JOSD2: variants seen among roughly 807,000 people sequenced by gnomAD.
The protein encoded by JOSD2 is Josephin domain containing 2, also known as josephin-2.
Under a neutral mutation model 19.3 loss-of-function variants are expected in JOSD2, and 20 were observed. The ratio of observed to expected loss-of-function variants is 1.04; its 90% CI spans 0.73 to 1.51. The LOEUF (loss-of-function observed/expected upper bound fraction) is 1.51, where lower values mean the gene tolerates loss of function less well. Ranked by LOEUF, JOSD2 falls within the 40% of genes most tolerant of loss-of-function variation. The probability of loss-of-function intolerance (pLI) is 0.00; values close to 1 mark genes in which losing one functional copy is unlikely to be tolerated. For missense variants in JOSD2, 215 were observed against 250.4 expected, an observed-to-expected ratio of 0.86 and a Z score of 0.95; for synonymous variants, 118 against 123.7, an observed-to-expected ratio of 0.95 and a Z score of 0.31.
Position 50,506,415 on chromosome 19 carries a change from G to C in JOSD2, c.430C>G (p.Arg144Gly). The change falls in exon 4 of 5, where the codon CGG (arginine) becomes GGG (glycine). Residue 144 changes from arginine to glycine, a missense_variant. Coordinates refer to ENST00000598418, the MANE Select transcript of JOSD2 (RefSeq NM_001270639.2). ...TCATCCCCCAGGGCCTCGGGCGCCC[G>C]CAGCTTGGAGTCCAGGTTGTAGTAG... ...GVYYNLDSKLRAPEALGDEDG... is the reference protein window; with the variant it reads ...GVYYNLDSKLGAPEALGDEDG... The C allele has an allele frequency of 6.2e-7, 1 of 1,605,184 alleles. No individual in the cohort carries two copies. Among genetic ancestry groups the C allele is most frequent in the Non-Finnish European group, 8.5e-7 (1 of 1,176,512 alleles).
At chr19:50,510,078 C>T in intron 2 of JOSD2, 1 of 319,544 alleles carries the variant, frequency 3.1e-6, no homozygotes, top group South Asian at 4.6e-5. Context: ...GAAAGAACCA[C>T]TGGATTGAGG....
Position 50,510,485 on chromosome 19 carries a change from C to T in JOSD2, c.-17-37G>A, listed in dbSNP as rs540386534. The T allele has an allele frequency of 8.1e-5, 126 of 1,546,920 alleles. No homozygotes were observed. The Middle Eastern group carries it at 1.1e-3, about 13-fold the overall frequency. On this transcript the variant is annotated intron_variant, in intron 1 of 4. Transcript: ENST00000598418. ...GAGGGGGAGAAGGTCCTCAGGGGCC[C>T]GGGATCTAGAGGTCCAGCCTCCCAG... is the stretch of plus-strand genomic sequence containing the variant.
Position 50,511,154 on chromosome 19 carries a change from C to G in JOSD2, c.-55G>C, listed in dbSNP as rs1979828261. On this transcript the variant is annotated 5_prime_UTR_variant, in exon 1 of 5. Coordinates refer to ENST00000598418, the MANE Select transcript of JOSD2 (RefSeq NM_001270639.2). ...TCCGCTCCACCGAGCCAGGGGTTTC[C>G]GCATCCCCTTCCTGGGCGGCGGCTC... 2.2e-6 allele frequency: 1 copy of G among 449,230 alleles called. No individual in the cohort carries two copies. Among genetic ancestry groups the G allele is most frequent in the Admixed American group, 2.4e-5 (1 of 42,256 alleles). The allele number at this position is 449,230 out of a possible 1,614,324, so 27.8% of individuals were successfully genotyped here. A position where few individuals can be genotyped will look rare whatever the true frequency, so the allele number is the denominator to read the frequency against.
rs117711212 is a variant in JOSD2, at chr19:50,506,164, C to T, written c.*9G>A. 0.016 allele frequency: 26,233 copies of T among 1,611,398 alleles called. 265 individuals are homozygous for T. The highest frequency in any genetic ancestry group is 0.019 in the Non-Finnish European group (21,940 of 1,179,140). ...GGACTGCGCTGTGGGCGCCGATGGT[C>T]AGCCATGGTCAGTCTGTCCGCAGCC... On this transcript the variant is annotated 3_prime_UTR_variant, in exon 5 of 5. Transcript: ENST00000598418.
chr19:50,507,200 C>A (rs1979422442), intron 3 of JOSD2, among the ~76,000 whole-genome samples: 1 of 149,424 alleles, frequency 6.7e-6, no homozygotes, highest in South Asian at 2.2e-4. Context: ...CTTGACCCCC[C>A]TGCCATTGGT....
intron 2 of JOSD2, among the ~76,000 whole-genome samples, chr19:50,508,215 C>T (rs1458486103): frequency 6.6e-6 from 1 of 152,210 alleles, no homozygotes; most frequent in Non-Finnish European, 1.5e-5. Flanking sequence ...CTTCCTCTGT[C>T]CTTCAAGGCC....
chr19:50,507,204 C>CGTGG (rs1979423332), intron 3 of JOSD2, among the ~76,000 whole-genome samples: 1 of 148,862 alleles, frequency 6.7e-6, no homozygotes, highest in Non-Finnish European at 1.5e-5. Flanking sequence ...ACCCCCCTGC[C>CGTGG]ATTGGTCTAC....
At chr19:50,508,535 C>T (rs1483241554) in intron 2 of JOSD2, among the ~76,000 whole-genome samples, 1 of 151,924 alleles carries the variant, frequency 6.6e-6, no homozygotes, top group Non-Finnish European at 1.5e-5. Context: ...CCCCGGTGCC[C>T]ACCGCCTCCC....
At position 50,507,555 on chromosome 19, in the gene JOSD2, G is replaced by C. The variant is rs373735588; in HGVS notation, c.272+19C>G. 1.3e-6 allele frequency: 2 copies of C among 1,597,520 alleles called. No individual in the cohort carries two copies. The highest frequency in any genetic ancestry group is 1.7e-6 in the Non-Finnish European group (2 of 1,177,594). ...CTCTGTGCCCGGCCCAGCACATGCT[G>C]TGCTGCTCTGGGGCCTACCTCCTCC... On this transcript the variant is annotated intron_variant, in intron 3 of 4. Transcript: ENST00000598418.
At position 50,510,314 on chromosome 19, in the gene JOSD2, G is replaced by C; in HGVS notation, c.118C>G (p.Gln40Glu). Reference protein sequence around the residue: ...NNVLQQQLFSQEAADEICKRL... With the variant: ...NNVLQQQLFSEEAADEICKRL... Reference sequence around the variant, plus strand: ...TTGCAGATCTCATCGGCAGCCTCCTGGCTAAAGAGCTGCTGCTGCAGAACG... The same window carrying C: ...TTGCAGATCTCATCGGCAGCCTCCTCGCTAAAGAGCTGCTGCTGCAGAACG... The change falls in exon 2 of 5, where the codon CAG becomes GAG. Residue 40 changes from glutamine to glutamate, a missense_variant. By Grantham distance (29) the Gln-to-Glu change is conservative. Coordinates refer to ENST00000598418, the MANE Select transcript of JOSD2 (RefSeq NM_001270639.2). The C allele has an allele frequency of 6.2e-7, 1 of 1,613,480 alleles. No homozygotes were observed. The highest frequency in any genetic ancestry group is 8.5e-7 in the Non-Finnish European group (1 of 1,180,010).
chr19:50,506,654 C>T (rs1979367753), intron 3 of JOSD2, 82 bp from the exon 4 acceptor site: 3 of 1,333,924 alleles, frequency 2.2e-6, no homozygotes, highest in Non-Finnish European at 3.0e-6. Context: ...GGGGCCCAGG[C>T]TGGTGGTGGT....
In JOSD2 at chr19:50,508,943, G is replaced by A. The variant is rs1455357747; in HGVS notation, c.147-1244C>T. On this transcript the variant is annotated intron_variant, in intron 2 of 4. Coordinates refer to ENST00000598418, the MANE Select transcript of JOSD2 (RefSeq NM_001270639.2). ...TTGGAGCAAGAGGCAGGGGAGGCAG[G>A]GCCATCTCCAGGTGTAGAAAGACTC... Among the ~76,000 whole-genome samples, 3 of 151,952 alleles carry A rather than the reference G, an allele frequency of 2.0e-5. No homozygotes were observed. In the East Asian group the frequency reaches 5.8e-4, roughly 29 times the overall value.
rs533112197 is a variant in JOSD2, at chr19:50,508,490, C to T, written c.147-791G>A. Among the ~76,000 whole-genome samples, 24 of 152,290 alleles carry T rather than the reference C, an allele frequency of 1.6e-4. 1 individual carries two copies. The South Asian group carries it at 3.9e-3, about 25-fold the overall frequency. ...TGGTGGCCTCACCTCAGAGCCTCAG[C>T]ACCCTCCTTCCTGGTCCCCTGTCCC... On this transcript the variant is annotated intron_variant, in intron 2 of 4. Transcript: ENST00000598418.
chr19:50,511,127 T>C lies in JOSD2; in HGVS notation c.-28A>G, dbSNP rs920072863. On this transcript the variant is annotated 5_prime_UTR_variant, in exon 1 of 5. Transcript: ENST00000598418. ...GGCAACGCCCCTCACCCCGCCTGCC[T>C]CTCCGCTCCACCGAGCCAGGGGTTT... is the stretch of plus-strand genomic sequence containing the variant. The C allele has an allele frequency of 2.2e-6, 1 of 452,412 alleles. No individual in the cohort carries two copies. Among genetic ancestry groups the C allele is most frequent in the African/African-American group, 2.0e-5 (1 of 49,636 alleles). 28.0% of individuals were successfully genotyped at this position (452,412 alleles called of 1,614,324 possible).
chr19:50,507,988 G>C, intron 2 of JOSD2: 1 of 484,252 alleles, frequency 2.1e-6, no homozygotes, highest in South Asian at 2.1e-5. Context: ...CTGTCCCCAA[G>C]TCCTGTCTCT....
rs1979452418 is a variant in JOSD2 at position 50,507,567 on chromosome 19, G to A, written c.272+7C>T. The A allele has an allele frequency of 6.2e-7, 1 of 1,601,880 alleles. No homozygotes were observed. The highest frequency in any genetic ancestry group is 8.5e-7 in the Non-Finnish European group (1 of 1,178,982). On this transcript the variant is annotated splice_region_variant and intron_variant, in intron 3 of 4. Transcript: ENST00000598418. ...CCCAGCACATGCTGTGCTGCTCTGG[G>A]GCCTACCTCCTCCTGTCCCACCACA...
At chr19:50,510,913 C>CT (rs1420910190) in intron 1 of JOSD2, among the ~76,000 whole-genome samples, 1 of 152,070 alleles carries the variant, frequency 6.6e-6, no homozygotes, top group Non-Finnish European at 1.5e-5. Context: ...CAACAGAAGA[C>CT]TCCCCTTCCC....
Position 50,510,365 on chromosome 19 carries a change from G to A in JOSD2, c.67C>T (p.Leu23=). The change falls in exon 2 of 5, where the codon CTG becomes TTG. Residue 23 remains leucine, a synonymous_variant. Transcript: ENST00000598418. ...TVYHERQRLE[L]CAVHALNNVL... ...TTGTTGAGGGCGTGGACAGCACACA[G>A]CTCCAGGCGCTGCCGTTCGTGGTAC... is the stretch of plus-strand genomic sequence containing the variant. 1.2e-6 allele frequency: 2 copies of A among 1,613,536 alleles called. No individual in the cohort carries two copies. Among genetic ancestry groups the A allele is most frequent in the South Asian group, 1.1e-5 (1 of 91,090 alleles).
intron 2 of JOSD2, among the ~76,000 whole-genome samples, chr19:50,509,105 T>A (rs1979570383): frequency 1.5e-5 from 2 of 134,174 alleles, no homozygotes; most frequent in Admixed American, 1.5e-4. Context: ...AAGGAGTGAT[T>A]TTTTTTTTTT....
Sources: gnomAD v4.1 joint callset for allele counts (sites outside exome capture counted in the v4.1 genomes callset) on GRCh38, gnomAD v4.1.1 for gene constraint, MANE v1.5 for transcripts, NCBI Gene and HGNC (gene_info 2026-07-23, HGNC 2026-07-21) for gene names.